Variants in EP300 observed in about 807,000 individuals in gnomAD.
EP300 encodes the protein EP300 lysine acetyltransferase.
Under a neutral mutation model 264.0 loss-of-function variants are expected in EP300, and 31 were observed. The ratio of observed to expected loss-of-function variants is 0.12; its 90% confidence interval spans 0.09 to 0.16. EP300 has a LOEUF of 0.16. Ranked by LOEUF, EP300 falls within the 10% of genes least tolerant of loss-of-function variation. The pLI is 1.00. For missense variants in EP300, 2,766 were observed against 3,052.9 expected, an observed-to-expected ratio of 0.91 and a Z score of 2.21; for synonymous variants, 1,340 against 1,045.4, an observed-to-expected ratio of 1.28 and a Z score of -5.44.
chr22:41,128,319 A>G (rs374108547), intron 4 of EP300, among the ~76,000 whole-genome samples: 4 of 151,760 alleles, frequency 2.6e-5, no homozygotes, highest in East Asian at 1.9e-4. Context: ...AATCAGCCAG[A>G]TGTCTGGGTG....
In EP300 at chr22:41,168,475, T is replaced by C. The variant is rs766262045; in HGVS notation, c.3901T>C (p.Phe1301Leu). ...GTTGCCATCTACCAGACTTGGCACC[T>C]TTCTAGAGAATCGTGTGAATGACTT... ...KRLPSTRLGT[F>L]LENRVNDFLR... The change falls in exon 24 of 31, where the codon TTT (phenylalanine) becomes CTT (leucine). Residue 1301 changes from phenylalanine to leucine, a missense_variant. Coordinates refer to ENST00000263253, the MANE Select transcript of EP300 (RefSeq NM_001429.4). 1.2e-6 allele frequency: 2 copies of C among 1,614,120 alleles called. No individual in the cohort carries two copies. Among genetic ancestry groups the C allele is most frequent in the Admixed American group, 3.3e-5 (2 of 60,010 alleles).
rs12170811 is a variant in EP300, at chr22:41,131,699, T to C, written c.1528+66T>C. ...CAGTAAATGACATCTATAAACACAG[T>C]GTTGTTAGCTCCTTTTTATTTTTTC... On this transcript the variant is annotated intron_variant, in intron 6 of 30. Transcript: ENST00000263253. 5.3e-3 allele frequency: 8,442 copies of C among 1,605,756 alleles called. 378 individuals carry two copies. In the African/African-American group the frequency reaches 0.099, roughly 19 times the overall value.
At chr22:41,115,247 A>G (rs1197416103) in intron 1 of EP300, among the ~76,000 whole-genome samples, 1 of 152,216 alleles carries the variant, frequency 6.6e-6, no homozygotes, top group Non-Finnish European at 1.5e-5. Context: ...GTCTGGAGAC[A>G]GTTTTGATTG....
At chr22:41,131,277 G>C in intron 5 of EP300, 111 bp from the exon 6 acceptor site, 1 of 1,199,952 alleles carries the variant, frequency 8.3e-7, no homozygotes, top group Non-Finnish European at 1.2e-6. Context: ...CACATACTCA[G>C]ATGTTTCATA....
chr22:41,093,600 T>C (rs1225028488), intron 1 of EP300, among the ~76,000 whole-genome samples: 1 of 152,228 alleles, frequency 6.6e-6, no homozygotes, highest in Non-Finnish European at 1.5e-5. Flanking sequence ...GTGTGCGAGG[T>C]CCAAGATTTC....
chr22:41,175,465 A>T (rs1768696369), intron 29 of EP300, among the ~76,000 whole-genome samples: 1 of 152,258 alleles, frequency 6.6e-6, no homozygotes, highest in Non-Finnish European at 1.5e-5. Flanking sequence ...ACTAATGGTT[A>T]TGAGAATTGA....
chr22:41,131,990 G>T (rs964928311), intron 6 of EP300, among the ~76,000 whole-genome samples: 3 of 152,078 alleles, frequency 2.0e-5, no homozygotes, highest in African/African-American at 7.2e-5. Context: ...AAGGTCAGGA[G>T]TTTGAGACCA....
At chr22:41,109,907 G>A (rs992565909) in intron 1 of EP300, among the ~76,000 whole-genome samples, 3 of 151,480 alleles carry the variant, frequency 2.0e-5, no homozygotes, top group East Asian at 1.9e-4. Context: ...TCTGCCTCCC[G>A]GGCTCAAGCA....
At chr22:41,163,251 C>T (rs1352643329) in intron 21 of EP300, among the ~76,000 whole-genome samples, 5 of 147,628 alleles carry the variant, frequency 3.4e-5, no homozygotes, top group South Asian at 2.1e-4. Context: ...CCGGCTAAAA[C>T]GGTGAAACCC....
intron 23 of EP300, among the ~76,000 whole-genome samples, chr22:41,167,826 G>GTTTTTTTTTTTT (rs1192332279): frequency 0.011 from 357 of 32,174 alleles, 14 homozygotes; most frequent in Middle Eastern, 0.029. Context: ...TTTTTTTTTT[G>GTTTTTTTTTTTT]TTTTTTTTTT....
intron 9 of EP300, among the ~76,000 whole-genome samples, chr22:41,140,747 G>A (rs1037324058): frequency 6.6e-5 from 10 of 152,206 alleles, no homozygotes; most frequent in East Asian, 1.9e-4. Flanking sequence ...GCAGTGATTC[G>A]GGATTGCGCT....
At chr22:41,094,115 T>G (rs1203693164) in intron 1 of EP300, among the ~76,000 whole-genome samples, 1 of 152,232 alleles carries the variant, frequency 6.6e-6, no homozygotes, top group Non-Finnish European at 1.5e-5. Flanking sequence ...CATTCTTTTC[T>G]TACAGTTAGT....
intron 1 of EP300, among the ~76,000 whole-genome samples, chr22:41,110,606 G>C (rs1191081765): frequency 6.6e-6 from 1 of 151,990 alleles, no homozygotes; most frequent in Non-Finnish European, 1.5e-5. Flanking sequence ...CCTATATCCA[G>C]CTAATTTTTA....
chr22:41,117,787 G>C lies in EP300; in HGVS notation c.695G>C (p.Gly232Ala), dbSNP rs1261612920. Reference protein sequence around the residue: ...PLQQGSPQMGGQTGLRGPQPL... With the variant: ...PLQQGSPQMGAQTGLRGPQPL... ...CAGCAGGGCTCTCCCCAGATGGGAG[G>C]ACAAACAGGATTGAGAGGCCCCCAG... is the stretch of plus-strand genomic sequence containing the variant. Residue 232 changes from glycine to alanine, a missense_variant, in exon 2 of 31, where the codon GGA (glycine) becomes GCA (alanine). Coordinates refer to ENST00000263253, the MANE Select transcript of EP300 (RefSeq NM_001429.4). The C allele has an allele frequency of 3.7e-6, 6 of 1,614,214 alleles. No individual in the cohort carries two copies. Among genetic ancestry groups the C allele is most frequent in the Non-Finnish European group, 5.1e-6 (6 of 1,180,032 alleles).
intron 1 of EP300, among the ~76,000 whole-genome samples, chr22:41,097,929 T>C (rs1569080242): frequency 1.3e-5 from 2 of 152,114 alleles, no homozygotes; most frequent in East Asian, 3.9e-4. Context: ...CTCCTGACCT[T>C]GTGAACCTCC....
intron 14 of EP300, among the ~76,000 whole-genome samples, chr22:41,150,614 C>T (rs774928577): frequency 1.3e-5 from 2 of 151,988 alleles, no homozygotes; most frequent in African/African-American, 4.8e-5. Flanking sequence ...TTTGGACGGG[C>T]GCGGTGGTGT....
At position 41,111,494 on chromosome 22, in the gene EP300, T is replaced by C. The variant is rs1335414780; in HGVS notation, c.95-5693T>C. 1.3e-5 allele frequency among the ~76,000 whole-genome samples: 2 copies of C among 152,230 alleles called. 1 individual carries two copies. Among genetic ancestry groups the C allele is most frequent in the African/African-American group, 4.8e-5 (2 of 41,466 alleles). ...GAACTTTCTATGTCAACAGTTATAT[T>C]ATCTACAGACAATAAGTTTTGTTTC... On this transcript the variant is annotated intron_variant, in intron 1 of 30. Transcript: ENST00000263253.
At chr22:41,150,760 G>T (rs961517805) in intron 14 of EP300, among the ~76,000 whole-genome samples, 2 of 151,852 alleles carry the variant, frequency 1.3e-5, no homozygotes, top group Non-Finnish European at 2.9e-5. Flanking sequence ...ACATGGTAGC[G>T]GGTGCCTGTA....
chr22:41,148,862 G>C, intron 12 of EP300, 176 bp from the exon 13 acceptor site: 1 of 729,198 alleles, frequency 1.4e-6, no homozygotes, highest in South Asian at 1.8e-5. Flanking sequence ...CTTGGCACAA[G>C]AGTCAGTTGT....
Sources: allele counts gnomAD v4.1 joint callset (sites outside exome capture counted in the v4.1 genomes callset), GRCh38; gene constraint gnomAD v4.1.1; transcripts MANE v1.5; gene names NCBI Gene and HGNC (gene_info 2026-07-23, HGNC 2026-07-21).